KDM4C: variants seen among roughly 807,000 people sequenced by gnomAD.
KDM4C encodes lysine-specific demethylase 4C.
A neutral mutation model predicts 129.3 loss-of-function variants in KDM4C; 81 were observed. The ratio of observed to expected loss-of-function variants is 0.63; its 90% CI spans 0.52 to 0.75. The LOEUF (loss-of-function observed/expected upper bound fraction) is 0.75. Among genes scored for constraint, KDM4C ranks in the 30% least tolerant of loss-of-function variants. KDM4C has a pLI of 0.00. For missense variants in KDM4C, 1,457 were observed against 1,304.0 expected (o/e 1.12, Z -1.81); for synonymous variants, 573 against 456.1 (o/e 1.26, Z -3.26).
chr9:7,150,511 A>G lies in KDM4C; in HGVS notation c.2782-14727A>G, dbSNP rs115695030. Among the ~76,000 whole-genome samples the G allele has an allele frequency of 4.8e-3, 738 of 152,218 alleles. 4 individuals carry two copies. Among genetic ancestry groups the G allele is most frequent in the African/African-American group, 0.017 (712 of 41,536 alleles). Reference sequence around the variant, plus strand: ...CAGCTGGATCTGAATCCTTGGAGAGAAATGTCTCCGAGAGGGCTGGGTCTT... The same window carrying G: ...CAGCTGGATCTGAATCCTTGGAGAGGAATGTCTCCGAGAGGGCTGGGTCTT... On this transcript the variant is annotated intron_variant, in intron 19 of 21. Coordinates refer to ENST00000381309, the MANE Select transcript of KDM4C (RefSeq NM_015061.6).
chr9:6,940,404 G>C (rs1442525789), intron 8 of KDM4C, among the ~76,000 whole-genome samples: 18 of 152,202 alleles, frequency 1.2e-4, no homozygotes, highest in Non-Finnish European at 2.6e-4. Flanking sequence ...ATTGCCCGCT[G>C]TTGTCACTAC....
chr9:6,937,491 G>T (rs10975917), intron 8 of KDM4C, among the ~76,000 whole-genome samples: 1 of 151,742 alleles, frequency 6.6e-6, no homozygotes, highest in Non-Finnish European at 1.5e-5. Context: ...AATATAGTAG[G>T]GTATTTTTGT....
At chr9:7,113,769 A>G (rs1269496174) in intron 18 of KDM4C, among the ~76,000 whole-genome samples, 2 of 152,186 alleles carry the variant, frequency 1.3e-5, no homozygotes, top group East Asian at 3.8e-4. Flanking sequence ...ATCAATCTTC[A>G]AAGTCTGGGA....
chr9:7,172,265 G>C (rs763717183), intron 21 of KDM4C, among the ~76,000 whole-genome samples: 5 of 152,244 alleles, frequency 3.3e-5, no homozygotes, highest in African/African-American at 4.8e-5. Context: ...GTTCAAAAGA[G>C]CCAGCAGTCC....
intron 16 of KDM4C, among the ~76,000 whole-genome samples, chr9:7,048,517 T>G (rs1038825291): frequency 1.3e-5 from 2 of 152,084 alleles, no homozygotes; most frequent in African/African-American, 4.8e-5. Context: ...AGTAGGAAAC[T>G]AGGGTATGAG....
intron 1 of KDM4C, among the ~76,000 whole-genome samples, chr9:6,770,151 C>A (rs1588146095): frequency 6.6e-6 from 1 of 151,542 alleles, no homozygotes; most frequent in South Asian, 2.1e-4. Context: ...TGCACTCTAG[C>A]CTGGGCAACG....
chr9:6,906,258 AT>A (rs1170155871), intron 8 of KDM4C, among the ~76,000 whole-genome samples: 4 of 151,992 alleles, frequency 2.6e-5, no homozygotes, highest in African/African-American at 9.7e-5. Flanking sequence ...ATGGTGTCAG[AT>A]TTGTTTTCTT....
intron 1 of KDM4C, among the ~76,000 whole-genome samples, chr9:6,752,590 A>G (rs1178226373): frequency 1.3e-5 from 2 of 151,430 alleles, no homozygotes; most frequent in Middle Eastern, 3.2e-3. Context: ...TTGTATTTTT[A>G]GTAGAGACGG....
intron 12 of KDM4C, among the ~76,000 whole-genome samples, chr9:7,003,145 C>T (rs547651990): frequency 3.6e-4 from 55 of 152,270 alleles, no homozygotes; most frequent in Middle Eastern, 3.4e-3. Flanking sequence ...GGATTACAGA[C>T]GTGAGCCACT....
chr9:6,765,688 G>A (rs1820481923), intron 1 of KDM4C, among the ~76,000 whole-genome samples: 1 of 152,100 alleles, frequency 6.6e-6, no homozygotes, highest in South Asian at 2.1e-4. Context: ...GACACGCATT[G>A]GGAAATACAT....
chr9:6,962,577 A>G (rs1563893398), intron 8 of KDM4C, among the ~76,000 whole-genome samples: 2 of 152,136 alleles, frequency 1.3e-5, no homozygotes. Context: ...CAGCATTTAC[A>G]TTTTCACATA....
intron 17 of KDM4C, among the ~76,000 whole-genome samples, chr9:7,068,365 C>CAA (rs1193368465): frequency 6.6e-6 from 1 of 152,106 alleles, no homozygotes; most frequent in African/African-American, 2.4e-5. Context: ...GGCTGCATTT[C>CAA]AAAGCTTTTA....
rs555688580 is a variant in KDM4C at position 7,148,493 on chromosome 9, T to A, written c.2782-16745T>A. 6.9e-4 allele frequency among the ~76,000 whole-genome samples: 105 copies of A among 151,848 alleles called. 1 individual carries two copies. In the Middle Eastern group the frequency reaches 0.01, roughly 15 times the overall value. On this transcript the variant is annotated intron_variant, in intron 19 of 21. Transcript: ENST00000381309. ...AGGAGGGCTGTAGTGTTACGGCAGC[T>A]CTGGCTCAGGGAATTCCAAGGTCTG...
intron 1 of KDM4C, among the ~76,000 whole-genome samples, chr9:6,781,386 T>G (rs553722179): frequency 7.0e-4 from 72 of 103,136 alleles, no homozygotes; most frequent in Admixed American, 4.2e-3. Flanking sequence ...TTTTTTGTGT[T>G]TTTTTTTTAA....
At chr9:7,079,343 A>C (rs1157679299) in intron 17 of KDM4C, among the ~76,000 whole-genome samples, 1 of 152,188 alleles carries the variant, frequency 6.6e-6, no homozygotes, top group Non-Finnish European at 1.5e-5. Context: ...GTTTGTTTTG[A>C]GATGGAGTCT....
chr9:6,895,492 A>C (rs950695066), intron 8 of KDM4C, among the ~76,000 whole-genome samples: 1 of 152,226 alleles, frequency 6.6e-6, no homozygotes. Flanking sequence ...CGTGTCATGC[A>C]AGATAGCGCA....
intron 17 of KDM4C, among the ~76,000 whole-genome samples, chr9:7,090,331 T>G (rs2133037934): frequency 6.6e-6 from 1 of 152,198 alleles, no homozygotes; most frequent in East Asian, 1.9e-4. Flanking sequence ...ATTTGGGGTT[T>G]TGTAGAAAAA....
At chr9:6,774,320 C>G (rs1822546760) in intron 1 of KDM4C, among the ~76,000 whole-genome samples, 1 of 152,082 alleles carries the variant, frequency 6.6e-6, no homozygotes, top group Admixed American at 6.5e-5. Flanking sequence ...ATGGAACTGT[C>G]AAATTTAAAA....
intron 5 of KDM4C, among the ~76,000 whole-genome samples, chr9:6,854,712 T>G (rs921129153): frequency 2.0e-5 from 3 of 152,212 alleles, no homozygotes; most frequent in African/African-American, 7.2e-5. Flanking sequence ...TTAAATTTCA[T>G]TCAGTAAACT....
Sources: gnomAD v4.1 joint callset for allele counts (sites outside exome capture counted in the v4.1 genomes callset) on GRCh38, gnomAD v4.1.1 for gene constraint, MANE v1.5 for transcripts, NCBI Gene and HGNC (gene_info 2026-07-23, HGNC 2026-07-21) for gene names.